The following ZNF676 variants were observed in gnomAD, a reference collection of about 807,000 sequenced individuals.
ZNF676 encodes zinc finger protein 676.
Under a neutral mutation model 6.0 loss-of-function variants are expected in ZNF676, and 4 were observed. That is an observed-to-expected ratio of 0.67 (90% CI 0.33 to 1.53). The LOEUF (loss-of-function observed/expected upper bound fraction) is 1.53, where lower values mean the gene tolerates loss of function less well. Among genes scored for constraint, ZNF676 ranks in the 40% most tolerant of loss-of-function variants. The pLI is 0.06. For missense variants in ZNF676, 644 were observed against 679.7 expected, an observed-to-expected ratio of 0.95 and a Z score of 0.58; for synonymous variants, 198 against 223.1, an observed-to-expected ratio of 0.89 and a Z score of 1.00.
intron 2 of ZNF676, among the ~76,000 whole-genome samples, chr19:22,182,787 T>C (rs2023778961): frequency 6.6e-6 from 1 of 151,816 alleles, no homozygotes; most frequent in South Asian, 2.1e-4. Flanking sequence ...TAACATAATG[T>C]AAGAAAACAA....
chr19:22,204,610 T>G (rs1409342185), intron 1 of ZNF676, among the ~76,000 whole-genome samples: 1 of 152,204 alleles, frequency 6.6e-6, no homozygotes, highest in African/African-American at 2.4e-5. Context: ...AATAATCACC[T>G]TGGATAATCG....
chr19:22,209,931 G>C (rs1191883572), intron 1 of ZNF676, among the ~76,000 whole-genome samples: 2 of 152,184 alleles, frequency 1.3e-5, no homozygotes, highest in African/African-American at 4.8e-5. Flanking sequence ...AAATTCCTGA[G>C]GGTGGTGCCT....
chr19:22,181,205 C>G lies in ZNF676; in HGVS notation c.512G>C (p.Cys171Ser). The G allele has an allele frequency of 6.2e-7, 1 of 1,613,904 alleles. No individual in the cohort carries two copies. Among genetic ancestry groups the G allele is most frequent in the Non-Finnish European group, 8.5e-7 (1 of 1,179,894 alleles). ...GTTAAAAGCTTTGCCATTTTCTTCA[C>G]ATTTGTAGGAATTCTCTCTAGTATA... is the stretch of plus-strand genomic sequence containing the variant. ...RIYTRENSYK[C>S]EENGKAFNWS... The change falls in exon 3 of 3, where the codon TGT (cysteine) becomes TCT (serine). Residue 171 changes from cysteine (C) to serine (S), a missense_variant. This residue lies in a region of ZNF676 where 280 missense variants were observed against 269.3 expected (regional missense o/e 1.04). Coordinates refer to ENST00000397121, the MANE Select transcript of ZNF676 (RefSeq NM_001001411.3).
the ZNF676 span, among the ~76,000 whole-genome samples, chr19:22,228,461 C>A: frequency 6.6e-6 from 1 of 152,198 alleles, no homozygotes; most frequent in African/African-American, 2.4e-5. Flanking sequence ...AGGATGCCCT[C>A]TCTCACCATT....
At chr19:22,236,570 T>G in the ZNF676 span, among the ~76,000 whole-genome samples, 3 of 152,142 alleles carry the variant, frequency 2.0e-5, no homozygotes, top group Admixed American at 2.0e-4. Context: ...ACTGCATAAA[T>G]TGTCATTAGT....
At chr19:22,247,593 G>A in the ZNF676 span, among the ~76,000 whole-genome samples, 1 of 150,550 alleles carries the variant, frequency 6.6e-6, no homozygotes, top group Admixed American at 6.7e-5. Flanking sequence ...GGGGTTAGAG[G>A]CCCCTCTCAG....
In ZNF676 at chr19:22,196,913, A is replaced by G. The variant is rs1266399843; in HGVS notation, c.-280T>C. 11 of 606,520 alleles carry G rather than the reference A, an allele frequency of 1.8e-5. No individual in the cohort carries two copies. Among genetic ancestry groups the G allele is most frequent in the Non-Finnish European group, 2.8e-5 (10 of 353,216 alleles). 37.6% of individuals were successfully genotyped at this position (606,520 alleles called of 1,614,324 possible). On this transcript the variant is annotated 5_prime_UTR_variant, in exon 1 of 3. Coordinates refer to ENST00000397121, the MANE Select transcript of ZNF676 (RefSeq NM_001001411.3). The stretch of plus-strand genomic sequence containing the variant: ...ATGTATTCTCTAACTCTGAGAAAAG[A>G]AAGTGGTATAAGATCCATAACATCT...
At chr19:22,239,537 A>G in the ZNF676 span, among the ~76,000 whole-genome samples, 1 of 152,120 alleles carries the variant, frequency 6.6e-6, no homozygotes, top group Non-Finnish European at 1.5e-5. Flanking sequence ...GGCTCTGTTT[A>G]TATGTGAAGG....
Position 22,179,602 on chromosome 19 carries a change from GT to G in ZNF676, c.*347del. On this transcript the variant is annotated 3_prime_UTR_variant, in exon 3 of 3. Transcript: ENST00000397121. ...GAGAACTAATGAAAAGCTTTGCCACGTTTTTCACATTTGTAGGGCTTTTCCT... is the reference window on the plus strand; with the variant it reads ...GAGAACTAATGAAAAGCTTTGCCACGTTTTCACATTTGTAGGGCTTTTCCT... The G allele has an allele frequency of 4.6e-6, 2 of 437,176 alleles. No individual in the cohort carries two copies. Among genetic ancestry groups the G allele is most frequent in the Non-Finnish European group, 4.4e-6 (1 of 226,942 alleles). 27.1% of individuals were successfully genotyped at this position (437,176 alleles called of 1,614,324 possible).
intron 1 of ZNF676, among the ~76,000 whole-genome samples, chr19:22,212,214 A>AG (rs1206447979): frequency 3.2e-5 from 4 of 126,392 alleles, no homozygotes; most frequent in Non-Finnish European, 7.0e-5. Context: ...AAAAAAAAAA[A>AG]GAAAAGAAAA....
In ZNF676 at chr19:22,181,451, T is replaced by A. The variant is rs781496562; in HGVS notation, c.266A>T (p.Asp89Val). ...LHLKISCTNV[D>V]ECNVHKEGYN... Reference sequence around the variant, plus strand: ...ACCTTCTTTGTGCACGTTACACTCATCCACATTGGTACAACTAATTTTTAA... The same window carrying A: ...ACCTTCTTTGTGCACGTTACACTCAACCACATTGGTACAACTAATTTTTAA... The change falls in exon 3 of 3, where the codon GAT (aspartate) becomes GTT (valine). Residue 89 changes from aspartate to valine, a missense_variant. Physicochemically the swap from Asp to Val is radical, Grantham distance 152. Around this residue, in one of 5 missense-constraint regions of ZNF676, gnomAD observed 280 missense variants for 269.3 expected, o/e 1.04. Transcript: ENST00000397121. 1.9e-6 allele frequency: 3 copies of A among 1,613,736 alleles called. No individual in the cohort carries two copies. The highest frequency in any genetic ancestry group is 2.5e-6 in the Non-Finnish European group (3 of 1,179,808).
Position 22,181,089 on chromosome 19 carries a change from A to G in ZNF676, c.628T>C (p.Ser210Pro), listed in dbSNP as rs765764630. ...ATTACCTTATGTTTAGTAAGGATTGAGAACTTACTAAAGGCTTTGCCACAT... is the reference window on the plus strand; with the variant it reads ...ATTACCTTATGTTTAGTAAGGATTGGGAACTTACTAAAGGCTTTGCCACAT... ...EECGKAFSKF[S>P]ILTKHKVIHT... Residue 210 changes from serine to proline, a missense_variant, in exon 3 of 3, where the codon TCA becomes CCA. Physicochemically the swap from Ser to Pro is moderately conservative, Grantham distance 74. Around this residue, in one of 5 missense-constraint regions of ZNF676, gnomAD observed 280 missense variants for 269.3 expected, o/e 1.04. Transcript: ENST00000397121. The G allele has an allele frequency of 4.3e-5, 68 of 1,599,050 alleles. No homozygotes were observed. The highest frequency in any genetic ancestry group is 3.9e-4 in the Admixed American group (23 of 59,048).
At chr19:22,222,683 C>T in the ZNF676 span, among the ~76,000 whole-genome samples, 1 of 151,874 alleles carries the variant, frequency 6.6e-6, no homozygotes, top group Non-Finnish European at 1.5e-5. Context: ...TGTTGGGCCC[C>T]CATATTTATA....
intron 2 of ZNF676, among the ~76,000 whole-genome samples, chr19:22,182,511 A>G (rs553459023): frequency 6.7e-6 from 1 of 150,214 alleles, no homozygotes; most frequent in East Asian, 2.0e-4. Context: ...TGAGGATAAG[A>G]ACAAAAATAA....
the ZNF676 span, among the ~76,000 whole-genome samples, chr19:22,223,446 C>T: frequency 6.6e-6 from 1 of 151,836 alleles, no homozygotes; most frequent in South Asian, 2.1e-4. Flanking sequence ...CTGGATCTCT[C>T]ATAAACACAT....
chr19:22,192,417 G>C (rs867105323), intron 2 of ZNF676, among the ~76,000 whole-genome samples: 1 of 151,968 alleles, frequency 6.6e-6, no homozygotes, highest in African/African-American at 2.4e-5. Flanking sequence ...CAATATTCCA[G>C]TGTTTTTCTT....
rs1253139478 is a variant in ZNF676 at position 22,215,506 on chromosome 19, G to C, written c.3+126C>G. 9.7e-6 allele frequency: 11 copies of C among 1,137,236 alleles called. No homozygotes were observed. In the East Asian group the frequency reaches 2.6e-4, roughly 27 times the overall value. 70.4% of individuals were successfully genotyped at this position (1,137,236 alleles called of 1,614,324 possible). A position where few individuals can be genotyped will look rare whatever the true frequency, so the allele number is the denominator to read the frequency against. ...CATCTTATGGCTGAAGGGGACTGAG[G>C]TCGAGCTAGGCAAGGAGAACTTGTG... On this transcript the variant is annotated intron_variant, in intron 1 of 3. Transcript: ENST00000650058.
intron 2 of ZNF676, among the ~76,000 whole-genome samples, chr19:22,182,593 A>AAAAAAAAAAAAAAAAAGC (rs1356303631): frequency 2.2e-5 from 2 of 90,926 alleles, no homozygotes; most frequent in Admixed American, 1.3e-4. Context: ...TCTAAAAAAA[A>AAAAAAAAAAAAAAAAAGC]AAAAAAAAAG....
chr19:22,244,686 G>C, the ZNF676 span: 1 of 152,178 alleles, frequency 6.6e-6, no homozygotes, highest in Non-Finnish European at 1.5e-5. Flanking sequence ...CCTGGTTACT[G>C]GGCCCAGCGA....
Sources: allele counts gnomAD v4.1 joint callset (sites outside exome capture counted in the v4.1 genomes callset), GRCh38; gene constraint gnomAD v4.1.1; regional missense constraint gnomAD v4.1.1; transcripts MANE v1.5; gene names NCBI Gene and HGNC (gene_info 2026-07-23, HGNC 2026-07-21).